The following RBM4 variants were observed in gnomAD, a reference collection of about 807,000 sequenced individuals.
RBM4 encodes the protein RNA binding motif protein 4.
A neutral mutation model predicts 29.5 loss-of-function variants in RBM4; 7 were observed. The observed-to-expected ratio is 0.24, with a 90% CI of 0.14 to 0.45. The LOEUF (loss-of-function observed/expected upper bound fraction) is 0.45, where lower values mean the gene tolerates loss of function less well. Ranked by LOEUF, RBM4 falls within the 20% of genes least tolerant of loss-of-function variation. The probability of loss-of-function intolerance (pLI) is 1.00; values close to 1 mark genes in which losing one functional copy is unlikely to be tolerated. For synonymous variants in RBM4, 220 were observed against 205.4 expected (o/e 1.07, Z -0.61); for missense variants, 387 against 502.3 (o/e 0.77, Z 2.19).
chr11:66,653,311 A>G (rs1006870965), intron 2 of RBM4, among the ~76,000 whole-genome samples: 2 of 150,902 alleles, frequency 1.3e-5, no homozygotes, highest in African/African-American at 4.9e-5. Context: ...CCTACTCAAC[A>G]TGAATACTAT....
At position 66,644,141 on chromosome 11, in the gene RBM4, G is replaced by A. The variant is rs1157870823; in HGVS notation, c.*8+1G>A. ...GGTACTCAGCCTTTTAAAGCTTGAG[G>A]TGAGAGGGGTGGGGTGTTCCCTCTT... On this transcript the variant is annotated splice_donor_variant, in intron 3 of 3. Coordinates refer to ENST00000310092, the MANE Select transcript of RBM4 (RefSeq NM_002896.4). LOFTEE classifies it low-confidence loss of function (3UTR_SPLICE). 6.2e-7 allele frequency: 1 copy of A among 1,606,492 alleles called. No individual in the cohort carries two copies. The highest frequency in any genetic ancestry group is 2.2e-5 in the East Asian group (1 of 44,846).
chr11:66,649,134 G>A (rs548077666), downstream of RBM4, among the ~76,000 whole-genome samples: 3 of 152,064 alleles, frequency 2.0e-5, no homozygotes, highest in African/African-American at 7.2e-5. Context: ...AGCCTCCTGC[G>A]TAGCTGGGAT....
At chr11:66,662,395 C>G (rs1565088686) in intron 2 of RBM4, among the ~76,000 whole-genome samples, 2 of 150,314 alleles carry the variant, frequency 1.3e-5, no homozygotes, top group South Asian at 4.2e-4. Context: ...AATCAAGATA[C>G]TTTTATTTAT....
Position 66,644,288 on chromosome 11 carries a change from A to T in RBM4, c.*8+148A>T, listed in dbSNP as rs979415324. 9 of 1,122,416 alleles carry T rather than the reference A, an allele frequency of 8.0e-6. No individual in the cohort carries two copies. In the African/African-American group the frequency reaches 1.4e-4, roughly 18 times the overall value. 69.5% of individuals were successfully genotyped at this position (1,122,416 alleles called of 1,614,324 possible). On this transcript the variant is annotated intron_variant, in intron 3 of 3. Coordinates refer to ENST00000310092, the MANE Select transcript of RBM4 (RefSeq NM_002896.4). ...GGCTCACAGGCTAGAGAGAAGTCCT[A>T]ACTGCTTAACTTTAAAATACATAGA...
At chr11:66,656,599 A>C (rs1565086895) in intron 2 of RBM4, among the ~76,000 whole-genome samples, 1 of 152,178 alleles carries the variant, frequency 6.6e-6, no homozygotes, top group Non-Finnish European at 1.5e-5. Flanking sequence ...TTCAAACAAT[A>C]AAATATACCA....
At chr11:66,647,753 C>T (rs946134270), downstream of RBM4, among the ~76,000 whole-genome samples, 18 of 151,982 alleles carry the variant, frequency 1.2e-4, no homozygotes, top group Non-Finnish European at 2.9e-5. Context: ...TAAGTGTTGG[C>T]GATACATACG....
chr11:66,638,984 T>C (rs1938311151), intron 1 of RBM4: 1 of 152,136 alleles, frequency 6.6e-6, no homozygotes, highest in Non-Finnish European at 1.5e-5. Context: ...TGGCTGCTCT[T>C]GGAGCCTCGA....
chr11:66,645,902 G>T, intron 3 of RBM4, 125 bp from the exon 4 acceptor site: 1 of 1,484,584 alleles, frequency 6.7e-7, no homozygotes, highest in South Asian at 1.3e-5. Flanking sequence ...GATACTGGGG[G>T]AGAAGGGTAC....
chr11:66,647,431 G>C (rs1938724578), downstream of RBM4, among the ~76,000 whole-genome samples: 1 of 152,112 alleles, frequency 6.6e-6, no homozygotes, highest in African/African-American at 2.4e-5. Context: ...GTAATTTATT[G>C]AATATTTTTG....
At chr11:66,651,440 C>G (rs776486813), downstream of RBM4, among the ~76,000 whole-genome samples, 1 of 151,934 alleles carries the variant, frequency 6.6e-6, no homozygotes, top group South Asian at 2.1e-4. Flanking sequence ...CTCCACCTCC[C>G]GGGTTCACGC....
exon 3 of RBM4, chr11:66,665,916 T>G: frequency 3.3e-6 from 5 of 1,535,498 alleles, no homozygotes; most frequent in Non-Finnish European, 4.4e-6. Flanking sequence ...ACATACATTT[T>G]CAAGAACTGC....
At position 66,644,078 on chromosome 11, in the gene RBM4, G is replaced by GGCCCGGTATGA; in HGVS notation, c.1044_1054dup (p.Arg352ProfsTer20). 1 of 1,614,104 alleles carries GGCCCGGTATGA rather than the reference G, an allele frequency of 6.2e-7. No homozygotes were observed. Among genetic ancestry groups the GGCCCGGTATGA allele is most frequent in the South Asian group, 1.1e-5 (1 of 91,082 alleles). On this transcript the variant is annotated frameshift_variant, in exon 3 of 4. Coordinates refer to ENST00000310092, the MANE Select transcript of RBM4 (RefSeq NM_002896.4). LOFTEE classifies it high-confidence loss of function. ...CCGCGCGGAATTCTCTGTACGACAT[G>GGCCCGGTATGA]GCCCGGTATGAGCGGGAGCAGTATG... is the stretch of plus-strand genomic sequence containing the variant.
At chr11:66,653,079 C>T (rs570137) in intron 2 of RBM4, among the ~76,000 whole-genome samples, 50 of 152,062 alleles carry the variant, frequency 3.3e-4, no homozygotes, top group Admixed American at 1.3e-4. Flanking sequence ...TTCCTCTGTC[C>T]AACATCAGAA....
At chr11:66,645,782 A>G (rs949893899) in intron 3 of RBM4, among the ~76,000 whole-genome samples, 4 of 152,144 alleles carry the variant, frequency 2.6e-5, no homozygotes, top group African/African-American at 7.2e-5. Context: ...CTCTTTGCCT[A>G]CTTTTATGAA....
At chr11:66,645,448 G>T (rs1309119380) in intron 3 of RBM4, among the ~76,000 whole-genome samples, 1 of 152,136 alleles carries the variant, frequency 6.6e-6, no homozygotes, top group Non-Finnish European at 1.5e-5. Context: ...CACTGATTGG[G>T]CTGGAAAAGA....
At chr11:66,664,042 C>A (rs748056390) in intron 2 of RBM4, among the ~76,000 whole-genome samples, 5 of 152,058 alleles carry the variant, frequency 3.3e-5, no homozygotes, top group Admixed American at 6.6e-5. Flanking sequence ...ACAGGGCCTC[C>A]TGTTGCCCAG....
At chr11:66,657,432 C>T (rs976304543) in intron 2 of RBM4, among the ~76,000 whole-genome samples, 2 of 151,690 alleles carry the variant, frequency 1.3e-5, no homozygotes, top group African/African-American at 2.4e-5. Context: ...CCTGTAATCC[C>T]GGCACTTTGG....
At chr11:66,663,082 G>A (rs937873656) in intron 2 of RBM4, among the ~76,000 whole-genome samples, 8 of 152,196 alleles carry the variant, frequency 5.3e-5, no homozygotes, top group Admixed American at 4.6e-4. Context: ...AATTTCACAT[G>A]TAGTCAGAAT....
chr11:66,648,076 C>T (rs149606125), downstream of RBM4, among the ~76,000 whole-genome samples: 105 of 151,992 alleles, frequency 6.9e-4, 2 homozygotes, highest in African/African-American at 2.3e-3. Context: ...TGTGGTGGCA[C>T]GCACCTGTAA....
Sources: allele counts gnomAD v4.1 joint callset (sites outside exome capture counted in the v4.1 genomes callset), GRCh38; gene constraint gnomAD v4.1.1; transcripts MANE v1.5; gene names NCBI Gene and HGNC (gene_info 2026-07-23, HGNC 2026-07-21).